Variants in TOPAZ1 observed in about 807,000 individuals in gnomAD.
The protein encoded by TOPAZ1 is testis and ovary specific TOPAZ 1, also known as protein TOPAZ1.
In TOPAZ1, 66 loss-of-function variants were observed where a neutral mutation model predicts 172.2. That is an observed-to-expected ratio of 0.38 (90% CI 0.31 to 0.47). TOPAZ1 has a LOEUF of 0.47. Among genes scored for constraint, TOPAZ1 ranks in the 20% least tolerant of loss-of-function variants. The probability of loss-of-function intolerance (pLI) is 0.99; values close to 1 mark genes in which losing one functional copy is unlikely to be tolerated. For synonymous variants in TOPAZ1, 681 were observed against 683.9 expected, an observed-to-expected ratio of 1.00 and a Z score of 0.07; for missense variants, 1,822 against 1,972.4, an observed-to-expected ratio of 0.92 and a Z score of 1.44.
intron 8 of TOPAZ1, among the ~76,000 whole-genome samples, chr3:44,272,782 A>G (rs1225977862): frequency 6.6e-6 from 1 of 152,164 alleles, no homozygotes; most frequent in African/African-American, 2.4e-5. Context: ...GATGGTCCCC[A>G]TCTCCTGACC....
chr3:44,268,392 T>A (rs957241454), intron 6 of TOPAZ1, among the ~76,000 whole-genome samples: 13 of 107,536 alleles, frequency 1.2e-4, no homozygotes, highest in African/African-American at 2.6e-4. Context: ...TTTTTTTTTT[T>A]AGACAGAGTC....
chr3:44,335,407 C>T (rs749797083), downstream of TOPAZ1, among the ~76,000 whole-genome samples: 42 of 152,138 alleles, frequency 2.8e-4, no homozygotes, highest in Middle Eastern at 6.8e-3. Flanking sequence ...AGTCAGATCA[C>T]GAGGTCAGGA....
intron 18 of TOPAZ1, among the ~76,000 whole-genome samples, chr3:44,325,639 C>T (rs945943483): frequency 1.3e-5 from 2 of 151,124 alleles, no homozygotes; most frequent in Non-Finnish European, 2.9e-5. Context: ...GTTTTAGTGA[C>T]TGGCTTTTTT....
At chr3:44,280,099 G>A (rs945170581) in intron 8 of TOPAZ1, among the ~76,000 whole-genome samples, 2 of 152,064 alleles carry the variant, frequency 1.3e-5, no homozygotes, top group African/African-American at 4.8e-5. Flanking sequence ...GTCTGGGAAA[G>A]ACTTTATTTC....
chr3:44,280,709 C>A (rs1700013571), intron 8 of TOPAZ1, among the ~76,000 whole-genome samples: 2 of 152,150 alleles, frequency 1.3e-5, no homozygotes, highest in African/African-American at 4.8e-5. Context: ...TAGAATTTGT[C>A]CTTCTGGCGT....
chr3:44,253,852 G>A (rs1699663718), intron 2 of TOPAZ1, among the ~76,000 whole-genome samples: 1 of 152,290 alleles, frequency 6.6e-6, no homozygotes, highest in South Asian at 2.1e-4. Context: ...TTCTGAACCA[G>A]GAGCAGTCGC....
chr3:44,332,993 GTTT>G (rs112385784), downstream of TOPAZ1, among the ~76,000 whole-genome samples: 2 of 137,178 alleles, frequency 1.5e-5, no homozygotes. Context: ...TTTTTTTGTG[GTTT>G]TTTTTTTTTT....
intron 2 of TOPAZ1, among the ~76,000 whole-genome samples, chr3:44,254,627 C>CAA (rs10579109): frequency 4.3e-4 from 36 of 83,166 alleles, no homozygotes; most frequent in African/African-American, 1.4e-3. Flanking sequence ...AACTCCGTCT[C>CAA]AAAAAAAAAA....
chr3:44,282,139 A>G, intron 9 of TOPAZ1, 108 bp downstream of exon 9: 1 of 684,574 alleles, frequency 1.5e-6, no homozygotes, highest in Non-Finnish European at 2.4e-6. Flanking sequence ...GCCTTACCCA[A>G]GAGTAGCTCT....
At chr3:44,282,234 C>G (rs1457133090) in intron 9 of TOPAZ1, among the ~76,000 whole-genome samples, 1 of 152,206 alleles carries the variant, frequency 6.6e-6, no homozygotes, top group Non-Finnish European at 1.5e-5. Flanking sequence ...CATTCCCTTA[C>G]ACATTAATGT....
chr3:44,271,844 A>T (rs182883041), intron 8 of TOPAZ1, among the ~76,000 whole-genome samples: 8 of 152,236 alleles, frequency 5.3e-5, no homozygotes, highest in Non-Finnish European at 8.8e-5. Context: ...ATCAAAGAAA[A>T]AAAAACTTTT....
At chr3:44,274,848 C>T (rs867076963) in intron 8 of TOPAZ1, among the ~76,000 whole-genome samples, 1 of 150,824 alleles carries the variant, frequency 6.6e-6, no homozygotes, top group Non-Finnish European at 1.5e-5. Context: ...TGCACCCGGC[C>T]GCCTTTAATT....
intron 16 of TOPAZ1, among the ~76,000 whole-genome samples, chr3:44,312,299 A>C (rs1242935868): frequency 6.6e-6 from 1 of 152,054 alleles, no homozygotes; most frequent in African/African-American, 2.4e-5. Flanking sequence ...ATAATAATAC[A>C]ATGGACAAAT....
intron 5 of TOPAZ1, among the ~76,000 whole-genome samples, chr3:44,264,893 G>T (rs1409997120): frequency 1.3e-5 from 2 of 152,184 alleles, no homozygotes; most frequent in African/African-American, 2.4e-5. Context: ...TCATGAGATT[G>T]CAGCAATTCA....
intron 8 of TOPAZ1, among the ~76,000 whole-genome samples, chr3:44,281,130 G>A (rs905847491): frequency 1.4e-4 from 21 of 152,204 alleles, no homozygotes; most frequent in African/African-American, 5.1e-4. Context: ...GTATTAGGGA[G>A]CCTCTCTAAC....
intron 1 of TOPAZ1, 52 bp from the exon 2 acceptor site, chr3:44,242,800 AT>A (rs1699501434): frequency 7.4e-7 from 1 of 1,344,320 alleles, no homozygotes; most frequent in South Asian, 1.7e-5. Context: ...TGATAATTGC[AT>A]TTTCCTCCTC....
chr3:44,272,964 A>G (rs1368457129), intron 8 of TOPAZ1, among the ~76,000 whole-genome samples: 3 of 152,188 alleles, frequency 2.0e-5, no homozygotes, highest in African/African-American at 7.2e-5. Context: ...ATGGCTTGCA[A>G]ATATTTCTCC....
rs1699500524 is a variant in TOPAZ1, at chr3:44,242,731, T to C, written c.347-122T>C. The C allele has an allele frequency of 2.3e-5, 18 of 788,824 alleles. No homozygotes were observed. The South Asian group carries it at 3.8e-4, about 17-fold the overall frequency. 48.9% of individuals were successfully genotyped at this position (788,824 alleles called of 1,614,324 possible). On this transcript the variant is annotated intron_variant, in intron 1 of 19. Coordinates refer to ENST00000309765, the MANE Select transcript of TOPAZ1 (RefSeq NM_001145030.2). ...AGGCTTTCATTTAAAAACAAATGTG[T>C]ATTTACATACAGCTGTTCAGGGAAA... is the stretch of plus-strand genomic sequence containing the variant.
At chr3:44,333,704 C>G (rs1025136408), downstream of TOPAZ1, among the ~76,000 whole-genome samples, 2 of 152,104 alleles carry the variant, frequency 1.3e-5, no homozygotes, top group African/African-American at 4.8e-5. Context: ...TCAACAGTGC[C>G]AAAAGATGGG....
Sources: gnomAD v4.1 joint callset for allele counts (sites outside exome capture counted in the v4.1 genomes callset) on GRCh38, gnomAD v4.1.1 for gene constraint, MANE v1.5 for transcripts, NCBI Gene and HGNC (gene_info 2026-07-23, HGNC 2026-07-21) for gene names.